The following COQ4 variants were observed in gnomAD, a reference collection of about 807,000 sequenced individuals.
COQ4 encodes the protein ubiquinone biosynthesis protein COQ4 homolog, mitochondrial.
COQ4 carries 36 observed loss-of-function variants against 30.2 expected under a neutral mutation model. That is an observed-to-expected ratio of 1.19 (90% CI 0.91 to 1.57). The LOEUF (loss-of-function observed/expected upper bound fraction) is 1.57, where lower values mean the gene tolerates loss of function less well. Among genes scored for constraint, COQ4 ranks in the 40% most tolerant of loss-of-function variants. COQ4 has a pLI of 0.00. For missense variants in COQ4, 369 were observed against 371.9 expected (o/e 0.99, Z 0.07); for synonymous variants, 197 against 161.0 (o/e 1.22, Z -1.69).
intron 4 of COQ4, among the ~76,000 whole-genome samples, chr9:128,327,316 G>A (rs1221468630): frequency 1.3e-5 from 2 of 151,702 alleles, no homozygotes; most frequent in Non-Finnish European, 2.9e-5. Flanking sequence ...GATGGTGTGC[G>A]CCTGTAATCC....
At chr9:128,329,450 C>T (rs1832371235) in intron 4 of COQ4, among the ~76,000 whole-genome samples, 2 of 152,146 alleles carry the variant, frequency 1.3e-5, no homozygotes, top group African/African-American at 4.8e-5. Context: ...AATCTTGGCT[C>T]ACTGCAACCT....
At chr9:128,323,379 G>A (rs1391825869) in intron 2 of COQ4, 1 of 558,698 alleles carries the variant, frequency 1.8e-6, no homozygotes. Context: ...TAAACTACTT[G>A]GGAGAATCTG....
At chr9:128,325,915 C>G in intron 4 of COQ4, 34 bp downstream of exon 4, 1 of 1,557,812 alleles carries the variant, frequency 6.4e-7, no homozygotes, top group Non-Finnish European at 8.9e-7. Flanking sequence ...CTGGCAGTCA[C>G]CAGACAGGAC....
At chr9:128,330,931 G>C (rs549871016) in intron 4 of COQ4, 7 of 149,836 alleles carry the variant, frequency 4.7e-5, no homozygotes, top group Non-Finnish European at 1.0e-4. Flanking sequence ...TCCGCCTCCC[G>C]GGCTTACGCC....
chr9:128,322,988 TG>T, intron 1 of COQ4, 27 bp from the exon 2 acceptor site: 1 of 1,609,278 alleles, frequency 6.2e-7, no homozygotes, highest in Non-Finnish European at 8.5e-7. Context: ...CCGGCTCCTC[TG>T]ACCTCGGCCT....
chr9:128,325,744 C>T (rs748735656), intron 3 of COQ4, 35 bp from the exon 4 acceptor site: 11 of 1,560,114 alleles, frequency 7.1e-6, no homozygotes, highest in Admixed American at 3.4e-5. Flanking sequence ...CTACCTTTGC[C>T]CACACCCTCC....
intron 4 of COQ4, chr9:128,331,566 A>T (rs1168955795): frequency 6.6e-6 from 1 of 152,122 alleles, no homozygotes; most frequent in African/African-American, 2.4e-5. Context: ...GGGCTTCATT[A>T]TTTATTTTTA....
intron 5 of COQ4, 195 bp from the exon 6 acceptor site, chr9:128,332,655 C>T: frequency 1.6e-6 from 1 of 610,556 alleles, no homozygotes; most frequent in Non-Finnish European, 2.9e-6. Context: ...CCATCCCCTA[C>T]TCCCTTCTGT....
intron 4 of COQ4, 71 bp from the exon 5 acceptor site, chr9:128,332,082 C>A: frequency 6.6e-7 from 1 of 1,516,472 alleles, no homozygotes. Flanking sequence ...GTGACGGTGT[C>A]AGAGACAGAC....
chr9:128,323,175 G>C (rs1167990816), intron 2 of COQ4, 28 bp downstream of exon 2: 1 of 1,563,248 alleles, frequency 6.4e-7, no homozygotes, highest in Non-Finnish European at 8.6e-7. Flanking sequence ...TCGCCCCCGT[G>C]GGGGCGGCTT....
At chr9:128,329,327 G>A (rs1360331635) in intron 4 of COQ4, among the ~76,000 whole-genome samples, 1 of 152,154 alleles carries the variant, frequency 6.6e-6, no homozygotes, top group Non-Finnish European at 1.5e-5. Flanking sequence ...TTTACTAGCT[G>A]TGTGATCTTG....
rs1438478697 is a variant in COQ4, at chr9:128,332,871, T to G, written c.554T>G (p.Phe185Cys). ...NILGEIVVKW[F>C]EAVQTGLPMC... is the part of the protein sequence containing the mutation. ...ACAGGGGAGATCGTGGTGAAATGGT[T>G]TGAGGCTGTCCAGACTGGCCTGCCC... is the stretch of plus-strand genomic sequence containing the variant. The change falls in exon 6 of 7, where the codon TTT becomes TGT. Residue 185 changes from phenylalanine to cysteine, a missense_variant. Coordinates refer to ENST00000300452, the MANE Select transcript of COQ4 (RefSeq NM_016035.5). The G allele has an allele frequency of 6.8e-6, 11 of 1,614,142 alleles. No individual in the cohort carries two copies. Among genetic ancestry groups the G allele is most frequent in the Non-Finnish European group, 9.3e-6 (11 of 1,179,966 alleles).
In COQ4 at chr9:128,332,292, C is replaced by T. The variant is rs1832427783; in HGVS notation, c.532+10C>T. The T allele has an allele frequency of 6.2e-7, 1 of 1,611,396 alleles. No homozygotes were observed. The highest frequency in any genetic ancestry group is 8.5e-7 in the Non-Finnish European group (1 of 1,179,538). ...CCCACCAACATCCTGGGTGAGTGCCCCCAACCCTGATGGCCTGTCTCCCTG... is the reference window on the plus strand; with the variant it reads ...CCCACCAACATCCTGGGTGAGTGCCTCCAACCCTGATGGCCTGTCTCCCTG... On this transcript the variant is annotated intron_variant, in intron 5 of 6. Transcript: ENST00000300452.
intron 6 of COQ4, 107 bp downstream of exon 6, chr9:128,333,050 G>A: frequency 1.2e-6 from 1 of 807,064 alleles, no homozygotes; most frequent in East Asian, 2.5e-5. Flanking sequence ...CCCCTGCACA[G>A]CCCGTTCCAG....
At chr9:128,325,382 A>G (rs978247397) in intron 3 of COQ4, 143 bp downstream of exon 3, 2 of 631,318 alleles carry the variant, frequency 3.2e-6, no homozygotes, top group African/African-American at 3.7e-5. Context: ...GCACTGCCCA[A>G]TTCCAGGGGT....
At position 128,332,958 on chromosome 9, in the gene COQ4, G is replaced by A; in HGVS notation, c.626+15G>A. 1.2e-6 allele frequency: 2 copies of A among 1,603,428 alleles called. No individual in the cohort carries two copies. The highest frequency in any genetic ancestry group is 1.7e-6 in the Non-Finnish European group (2 of 1,170,258). ...CTTGGCGCTCAGTAAGTTTTCAAGTGGTAGCTGGGTCGGGGTTGAGGGTGG... is the reference window on the plus strand; with the variant it reads ...CTTGGCGCTCAGTAAGTTTTCAAGTAGTAGCTGGGTCGGGGTTGAGGGTGG... On this transcript the variant is annotated intron_variant, in intron 6 of 6. Coordinates refer to ENST00000300452, the MANE Select transcript of COQ4 (RefSeq NM_016035.5).
At chr9:128,327,737 G>A (rs577379361) in intron 4 of COQ4, among the ~76,000 whole-genome samples, 5 of 152,254 alleles carry the variant, frequency 3.3e-5, no homozygotes, top group South Asian at 2.1e-4. Context: ...CCAGGAGGTC[G>A]AGGGCGGTGA....
At chr9:128,324,004 G>A (rs899549664) in intron 2 of COQ4, among the ~76,000 whole-genome samples, 1 of 151,934 alleles carries the variant, frequency 6.6e-6, no homozygotes, top group African/African-American at 2.4e-5. Flanking sequence ...TTTGTTTTGA[G>A]ACACAGTATT....
intron 2 of COQ4, 30 bp downstream of exon 2, chr9:128,323,177 G>T: frequency 6.4e-7 from 1 of 1,559,652 alleles, no homozygotes; most frequent in African/African-American, 1.4e-5. Flanking sequence ...GCCCCCGTGG[G>T]GGCGGCTTGG....
Sources: gnomAD v4.1 joint callset for allele counts (sites outside exome capture counted in the v4.1 genomes callset) on GRCh38, gnomAD v4.1.1 for gene constraint, MANE v1.5 for transcripts, NCBI Gene and HGNC (gene_info 2026-07-23, HGNC 2026-07-21) for gene names.